Variants in AK5 observed in about 807,000 individuals in gnomAD.
The protein encoded by AK5 is adenylate kinase 5.
Under a neutral mutation model 69.5 loss-of-function variants are expected in AK5, and 27 were observed. The observed-to-expected ratio is 0.39, with a 90% CI of 0.29 to 0.54. The LOEUF (loss-of-function observed/expected upper bound fraction) is 0.54, where lower values mean the gene tolerates loss of function less well. Ranked by LOEUF, AK5 falls within the 20% of genes least tolerant of loss-of-function variation. The probability of loss-of-function intolerance (pLI) is 0.71; values close to 1 mark genes in which losing one functional copy is unlikely to be tolerated. For synonymous variants in AK5, 260 were observed against 244.4 expected (o/e 1.06, Z -0.60); for missense variants, 531 against 700.4 (o/e 0.76, Z 2.73).
intron 11 of AK5, among the ~76,000 whole-genome samples, chr1:77,520,472 C>T (rs1657918778): frequency 1.3e-5 from 2 of 152,196 alleles, no homozygotes; most frequent in African/African-American, 4.8e-5. Context: ...TTATTTCTCA[C>T]CACTCTCACC....
rs4949811 is a variant in AK5 at position 77,559,769 on chromosome 1, G to T, written c.*1099G>T. 0.72 allele frequency: 109,283 copies of T among 152,008 alleles called. 39,819 individuals carry two copies. The highest frequency in any genetic ancestry group is 0.79 in the Non-Finnish European group (53,474 of 67,922). 9.4% of individuals were successfully genotyped at this position (152,008 alleles called of 1,614,324 possible). On this transcript the variant is annotated 3_prime_UTR_variant, in exon 14 of 14. Transcript: ENST00000354567. ...ATCAATCAGTTGTAAAATCAGAGCT[G>T]CTTATATATTCTACTGGAATAACTG...
At chr1:77,491,573 G>A (rs1656010464) in intron 10 of AK5, among the ~76,000 whole-genome samples, 1 of 152,098 alleles carries the variant, frequency 6.6e-6, no homozygotes, top group African/African-American at 2.4e-5. Context: ...CCAAAGTGCT[G>A]GGATTACAGG....
At chr1:77,328,937 G>A (rs573770772) in intron 5 of AK5, among the ~76,000 whole-genome samples, 1 of 152,134 alleles carries the variant, frequency 6.6e-6, no homozygotes, top group African/African-American at 2.4e-5. Context: ...CCAGCGTCTG[G>A]CAAGAGTCAT....
Position 77,293,780 on chromosome 1 carries a change from T to G in AK5, c.248-13T>G, listed in dbSNP as rs765321361. ...TGTTTTTTCCTTTTCAAAGTTATCT[T>G]ACTCTTTTGCAGTAATGCCTGAAAA... is the stretch of plus-strand genomic sequence containing the variant. On this transcript the variant is annotated splice_polypyrimidine_tract_variant and intron_variant, in intron 2 of 13. Coordinates refer to ENST00000354567, the MANE Select transcript of AK5 (RefSeq NM_174858.3). 6.3e-7 allele frequency: 1 copy of G among 1,583,284 alleles called. No individual in the cohort carries two copies. The highest frequency in any genetic ancestry group is 8.6e-7 in the Non-Finnish European group (1 of 1,166,898).
intron 13 of AK5, among the ~76,000 whole-genome samples, chr1:77,555,824 A>G (rs1470275953): frequency 2.0e-5 from 3 of 152,258 alleles, no homozygotes; most frequent in Non-Finnish European, 2.9e-5. Context: ...CTCTTGGAAA[A>G]CAGGACCATT....
At chr1:77,349,192 G>A (rs966860931) in intron 6 of AK5, among the ~76,000 whole-genome samples, 4 of 152,222 alleles carry the variant, frequency 2.6e-5, no homozygotes, top group Middle Eastern at 3.4e-3. Flanking sequence ...GTACTATTCG[G>A]AATGTTTCTG....
intron 10 of AK5, among the ~76,000 whole-genome samples, chr1:77,502,841 C>T (rs1340211045): frequency 6.6e-6 from 1 of 152,166 alleles, no homozygotes; most frequent in Non-Finnish European, 1.5e-5. Flanking sequence ...TTTGGAGCTG[C>T]CCAACAATCC....
At chr1:77,321,001 G>A (rs1660500554) in intron 5 of AK5, among the ~76,000 whole-genome samples, 1 of 152,172 alleles carries the variant, frequency 6.6e-6, no homozygotes, top group African/African-American at 2.4e-5. Context: ...AATTGGAAAT[G>A]TTAACAATCT....
At chr1:77,310,198 C>G (rs1020341429) in intron 5 of AK5, among the ~76,000 whole-genome samples, 1 of 152,072 alleles carries the variant, frequency 6.6e-6, no homozygotes, top group African/African-American at 2.4e-5. Flanking sequence ...TGTTGACTTG[C>G]GCATCTTTTC....
In AK5 at chr1:77,521,997, G is replaced by T. The variant is rs1658016921; in HGVS notation, c.1428+54G>T. 3.0e-6 allele frequency: 4 copies of T among 1,332,282 alleles called. No individual in the cohort carries two copies. The East Asian group carries it at 9.8e-5, about 33-fold the overall frequency. 82.5% of individuals were successfully genotyped at this position (1,332,282 alleles called of 1,614,324 possible). A position where few individuals can be genotyped will look rare whatever the true frequency, so the allele number is the denominator to read the frequency against. ...GAAGAAAAATAGGGGACATCCTTGA[G>T]GTTGGGTGATAATTCAAAGTCTATT... On this transcript the variant is annotated intron_variant, in intron 12 of 13. Transcript: ENST00000354567.
intron 6 of AK5, among the ~76,000 whole-genome samples, chr1:77,361,235 C>T (rs897242950): frequency 2.0e-5 from 3 of 152,126 alleles, no homozygotes; most frequent in East Asian, 1.9e-4. Context: ...ACTTAATGTT[C>T]GTAACAGACA....
rs574548403 is a variant in AK5, at chr1:77,558,912, G to C, written c.*242G>C. 2.1e-6 allele frequency: 1 copy of C among 469,798 alleles called. No individual in the cohort carries two copies. Among genetic ancestry groups the C allele is most frequent in the Non-Finnish European group, 3.9e-6 (1 of 257,224 alleles). The allele number at this position is 469,798 out of a possible 1,614,324, so 29.1% of individuals were successfully genotyped here. ...ACTTCAGACAACTGTCTGCACTCAC[G>C]GCACACACACTTTGTATCATGCAGG... is the stretch of plus-strand genomic sequence containing the variant. On this transcript the variant is annotated 3_prime_UTR_variant, in exon 14 of 14. Transcript: ENST00000354567.
chr1:77,292,646 G>T (rs1658757333), intron 2 of AK5, among the ~76,000 whole-genome samples: 1 of 152,160 alleles, frequency 6.6e-6, no homozygotes. Context: ...CCATCTCCCT[G>T]GTTTGGACTT....
At chr1:77,499,869 CATTTTTTTTTTTTTTTTTTTTT>C (rs1471130556) in intron 10 of AK5, among the ~76,000 whole-genome samples, 7 of 78,768 alleles carry the variant, frequency 8.9e-5, no homozygotes, top group Admixed American at 3.9e-4. Flanking sequence ...GCCCTTTTTC[CATTTTTTTTTTTTTTTTTTTTT>C]TTTTTTTTTT....
Position 77,417,624 on chromosome 1 carries a change from C to A in AK5, c.983-15C>A. 1 of 1,566,514 alleles carries A rather than the reference C, an allele frequency of 6.4e-7. No individual in the cohort carries two copies. The highest frequency in any genetic ancestry group is 2.2e-5 in the East Asian group (1 of 44,518). ...GACAACCTCCATCCACTTATCTTTT[C>A]TTTCCTAATCTTAGGTTCAAGTGAC... On this transcript the variant is annotated splice_polypyrimidine_tract_variant and intron_variant, in intron 7 of 13. Coordinates refer to ENST00000354567, the MANE Select transcript of AK5 (RefSeq NM_174858.3).
chr1:77,298,008 A>G, intron 5 of AK5, 61 bp downstream of exon 5: 1 of 1,258,910 alleles, frequency 7.9e-7, no homozygotes. Context: ...TGGGAATAAA[A>G]ACAAAAAGAC....
chr1:77,333,300 T>G (rs1661183527), intron 5 of AK5, among the ~76,000 whole-genome samples: 1 of 152,222 alleles, frequency 6.6e-6, no homozygotes, highest in Non-Finnish European at 1.5e-5. Flanking sequence ...GTGGCACACA[T>G]GCACAGGAGA....
chr1:77,335,484 A>G (rs1413348016), intron 5 of AK5, among the ~76,000 whole-genome samples: 1 of 151,824 alleles, frequency 6.6e-6, no homozygotes, highest in African/African-American at 2.4e-5. Flanking sequence ...TCTTATGACC[A>G]CTGTTTTGTT....
intron 8 of AK5, among the ~76,000 whole-genome samples, chr1:77,443,446 C>A (rs1652455740): frequency 1.3e-5 from 2 of 152,126 alleles, no homozygotes; most frequent in African/African-American, 2.4e-5. Context: ...ACTGACATAA[C>A]TTGCAGACTA....
Sources: allele counts gnomAD v4.1 joint callset (sites outside exome capture counted in the v4.1 genomes callset), GRCh38; gene constraint gnomAD v4.1.1; transcripts MANE v1.5; gene names NCBI Gene and HGNC (gene_info 2026-07-23, HGNC 2026-07-21).